CHN2: variants seen among roughly 807,000 people sequenced by gnomAD.
The protein encoded by CHN2 is beta-chimaerin.
Under a neutral mutation model 56.3 loss-of-function variants are expected in CHN2, and 35 were observed. That is an observed-to-expected ratio of 0.62 (90% CI 0.47 to 0.82). The LOEUF is 0.82. Ranked by LOEUF, CHN2 falls within the 40% of genes least tolerant of loss-of-function variation. CHN2 has a pLI of 0.00. For synonymous variants in CHN2, 210 were observed against 212.8 expected, an observed-to-expected ratio of 0.99 and a Z score of 0.12; for missense variants, 491 against 580.5, an observed-to-expected ratio of 0.85 and a Z score of 1.58.
At chr7:29,261,407 T>G (rs989367470) in intron 1 of CHN2, among the ~76,000 whole-genome samples, 1 of 152,186 alleles carries the variant, frequency 6.6e-6, no homozygotes, top group Non-Finnish European at 1.5e-5. Context: ...CCTCCCCTGC[T>G]AGGACGCTGG....
At chr7:29,395,906 A>G (rs1381415982) in intron 4 of CHN2, among the ~76,000 whole-genome samples, 1 of 152,206 alleles carries the variant, frequency 6.6e-6, no homozygotes, top group East Asian at 1.9e-4. Flanking sequence ...GACTATAGTT[A>G]AAACAATTTA....
At chr7:29,431,457 G>A (rs911576436) in intron 6 of CHN2, among the ~76,000 whole-genome samples, 1 of 152,158 alleles carries the variant, frequency 6.6e-6, no homozygotes, top group African/African-American at 2.4e-5. Flanking sequence ...TGCCCATAGG[G>A]TAGGGATGCA....
chr7:29,483,983 T>C (rs1484962269), intron 7 of CHN2: 5 of 765,022 alleles, frequency 6.5e-6, no homozygotes, highest in Non-Finnish European at 1.0e-5. Context: ...CCAGTAAGTA[T>C]TCATTTGATG....
intron 6 of CHN2, among the ~76,000 whole-genome samples, chr7:29,455,730 C>T (rs1354800626): frequency 6.6e-6 from 1 of 152,198 alleles, no homozygotes; most frequent in Non-Finnish European, 1.5e-5. Flanking sequence ...TGGATTCAAA[C>T]AATGCATTTC....
chr7:29,317,146 A>C lies in CHN2; in HGVS notation c.50-37479A>C, dbSNP rs145703740. Among the ~76,000 whole-genome samples the C allele has an allele frequency of 2.0e-4, 30 of 152,326 alleles. No homozygotes were observed. In the East Asian group the frequency reaches 5.6e-3, roughly 28 times the overall value. On this transcript the variant is annotated intron_variant, in intron 1 of 12. Transcript: ENST00000222792. ...TAATGAGCACAGTTATGTTTAAATT[A>C]AATTAAGTGGGCACCAAGGGATAGA...
At chr7:29,293,365 C>CG (rs1347298940) in intron 1 of CHN2, among the ~76,000 whole-genome samples, 2 of 40,544 alleles carry the variant, frequency 4.9e-5, no homozygotes, top group African/African-American at 2.0e-4. Context: ...AGCTAATGCC[C>CG]CCCCCCCCCC....
chr7:29,216,094 A>C (rs555100469), intron 1 of CHN2, among the ~76,000 whole-genome samples: 33 of 152,262 alleles, frequency 2.2e-4, no homozygotes, highest in Admixed American at 7.2e-4. Flanking sequence ...TGTTTTTAGT[A>C]TACATTTTAG....
chr7:29,335,494 T>G (rs545049667), intron 1 of CHN2, among the ~76,000 whole-genome samples: 67 of 152,338 alleles, frequency 4.4e-4, no homozygotes, highest in Non-Finnish European at 2.9e-5. Context: ...TAAAGGACCT[T>G]TCAGTATGTT....
chr7:29,310,972 A>G (rs1397127041), intron 1 of CHN2, among the ~76,000 whole-genome samples: 1 of 152,208 alleles, frequency 6.6e-6, no homozygotes. Flanking sequence ...TAAAAAGAAA[A>G]CTATTGAAAG....
intron 6 of CHN2, among the ~76,000 whole-genome samples, chr7:29,450,737 G>A (rs760335848): frequency 6.6e-6 from 1 of 152,024 alleles, no homozygotes. Context: ...TAATACAGAT[G>A]TATTCATCAG....
intron 2 of CHN2, among the ~76,000 whole-genome samples, chr7:29,167,470 A>G (rs1366969086): frequency 2.6e-5 from 4 of 152,166 alleles, no homozygotes; most frequent in African/African-American, 4.8e-5. Context: ...TGCTTCTATG[A>G]CCATATTTGA....
Position 29,354,060 on chromosome 7 carries a change from T to C in CHN2, c.50-565T>C, listed in dbSNP as rs139794408. Among the ~76,000 whole-genome samples the C allele has an allele frequency of 2.9e-3, 443 of 152,356 alleles. 3 individuals are homozygous for C. The highest frequency in any genetic ancestry group is 9.9e-3 in the African/African-American group (412 of 41,598). On this transcript the variant is annotated intron_variant, in intron 1 of 12. Transcript: ENST00000222792. ...ACATTTCTGATTGCTCAGAGGTTTC[T>C]GGAAATTTTCTAAGTCACACGTTGG...
intron 1 of CHN2, chr7:29,200,760 G>GCGGA (rs1784097120): frequency 6.6e-6 from 1 of 151,902 alleles, no homozygotes; most frequent in South Asian, 2.1e-4. Flanking sequence ...ACAAACAAAT[G>GCGGA]CAGAGGTTCA....
intron 1 of CHN2, among the ~76,000 whole-genome samples, chr7:29,245,975 A>G (rs1319814771): frequency 1.3e-5 from 2 of 152,204 alleles, no homozygotes; most frequent in African/African-American, 4.8e-5. Context: ...ATTAATGCCA[A>G]CTTCATCTTC....
intron 3 of CHN2, among the ~76,000 whole-genome samples, chr7:29,389,495 C>T (rs143809190): frequency 1.1e-3 from 169 of 152,180 alleles, no homozygotes; most frequent in African/African-American, 3.4e-3. Flanking sequence ...TCAGCTGGTT[C>T]GAGATGGGGA....
intron 6 of CHN2, among the ~76,000 whole-genome samples, chr7:29,473,482 TTGTGTGTGTG>T (rs1554299030): frequency 4.0e-4 from 47 of 118,196 alleles, no homozygotes; most frequent in Non-Finnish European, 6.6e-4. Flanking sequence ...TTTTTTTTTT[TTGTGTGTGTG>T]TGTGTGTGTG....
intron 6 of CHN2, among the ~76,000 whole-genome samples, chr7:29,459,746 C>T (rs1043063393): frequency 4.6e-5 from 7 of 152,170 alleles, no homozygotes; most frequent in Admixed American, 1.3e-4. Context: ...TTGTCTCCCC[C>T]TCTCCTCCCT....
chr7:29,227,067 G>A (rs1786265780), intron 1 of CHN2, among the ~76,000 whole-genome samples: 1 of 152,184 alleles, frequency 6.6e-6, no homozygotes, highest in Non-Finnish European at 1.5e-5. Flanking sequence ...CTGTCATTTT[G>A]TTAGACTATT....
chr7:29,340,684 G>A (rs1410830558), intron 1 of CHN2, among the ~76,000 whole-genome samples: 4 of 152,190 alleles, frequency 2.6e-5, no homozygotes, highest in Non-Finnish European at 5.9e-5. Context: ...AGAAAATATA[G>A]GACAAGATAG....
Sources: gnomAD v4.1 joint callset for allele counts (sites outside exome capture counted in the v4.1 genomes callset) on GRCh38, gnomAD v4.1.1 for gene constraint, MANE v1.5 for transcripts, NCBI Gene and HGNC (gene_info 2026-07-23, HGNC 2026-07-21) for gene names.